KLF12: variants seen among roughly 807,000 people sequenced by gnomAD.
KLF12 encodes the protein Krueppel-like factor 12.
Under a neutral mutation model 37.8 loss-of-function variants are expected in KLF12, and 9 were observed. That is an observed-to-expected ratio of 0.24 (90% CI 0.14 to 0.42). The LOEUF is 0.42. Ranked by LOEUF, KLF12 falls within the 10% of genes least tolerant of loss-of-function variation. The pLI, the probability that KLF12 is intolerant of heterozygous loss-of-function variation, is 1.00. For missense variants in KLF12, 411 were observed against 516.0 expected (o/e 0.80, Z 1.97); for synonymous variants, 208 against 202.1 (o/e 1.03, Z -0.25).
intron 3 of KLF12, among the ~76,000 whole-genome samples, chr13:73,920,940 T>C (rs1229591092): frequency 1.3e-5 from 2 of 152,150 alleles, no homozygotes; most frequent in Non-Finnish European, 2.9e-5. Context: ...TTCCCTTATC[T>C]GAGGAAAAGC....
the KLF12 span, among the ~76,000 whole-genome samples, chr13:74,233,897 G>T: frequency 4.8e-4 from 73 of 152,152 alleles, 1 homozygote; most frequent in East Asian, 0.013. Flanking sequence ...ATTGGAATTT[G>T]AAATAAAAAA....
the KLF12 span, among the ~76,000 whole-genome samples, chr13:74,216,259 C>T: frequency 6.6e-6 from 1 of 152,104 alleles, no homozygotes; most frequent in Non-Finnish European, 1.5e-5. Context: ...TAAATACCCA[C>T]ACACACACAA....
chr13:74,253,965 G>A, the KLF12 span, among the ~76,000 whole-genome samples: 1 of 152,134 alleles, frequency 6.6e-6, no homozygotes, highest in Non-Finnish European at 1.5e-5. Context: ...TGACCAGGGA[G>A]TCTTTTAAAA....
chr13:73,742,598 AATCTC>A (rs1232010612), intron 6 of KLF12, among the ~76,000 whole-genome samples: 1 of 152,104 alleles, frequency 6.6e-6, no homozygotes, highest in Non-Finnish European at 1.5e-5. Flanking sequence ...GCCCCTCCCA[AATCTC>A]ATGTCCTTCT....
intron 1 of KLF12, among the ~76,000 whole-genome samples, chr13:74,011,391 T>C (rs1892547977): frequency 1.3e-5 from 2 of 152,192 alleles, no homozygotes; most frequent in Admixed American, 1.3e-4. Flanking sequence ...ATGTAGCTAG[T>C]GCAATTTAAG....
chr13:74,292,362 G>C, the KLF12 span, among the ~76,000 whole-genome samples: 3 of 152,158 alleles, frequency 2.0e-5, no homozygotes, highest in East Asian at 1.9e-4. Flanking sequence ...CCCAGGTATG[G>C]GGTGGGAAGA....
At chr13:73,891,402 T>G (rs757536616) in intron 3 of KLF12, among the ~76,000 whole-genome samples, 3 of 152,106 alleles carry the variant, frequency 2.0e-5, no homozygotes, top group African/African-American at 7.2e-5. Context: ...TCTCAACAAG[T>G]TGAATACATT....
At chr13:74,281,962 C>T in the KLF12 span, among the ~76,000 whole-genome samples, 10 of 152,198 alleles carry the variant, frequency 6.6e-5, no homozygotes, top group African/African-American at 2.4e-4. Flanking sequence ...ATAATATCCT[C>T]TTCCTCAGGA....
chr13:74,100,281 A>C (rs1293700000), intron 1 of KLF12, among the ~76,000 whole-genome samples: 1 of 152,218 alleles, frequency 6.6e-6, no homozygotes, highest in Non-Finnish European at 1.5e-5. Flanking sequence ...GAACTGCTAC[A>C]CTGGAATTGG....
chr13:74,109,587 A>C (rs896925442), intron 1 of KLF12, among the ~76,000 whole-genome samples: 14 of 152,210 alleles, frequency 9.2e-5, no homozygotes, highest in Admixed American at 5.2e-4. Context: ...TCAAATCATC[A>C]ATATTTCAAA....
chr13:73,695,397 T>G lies in KLF12; in HGVS notation c.*93A>C. 7 of 1,235,696 alleles carry G rather than the reference T, an allele frequency of 5.7e-6. No homozygotes were observed. The highest frequency in any genetic ancestry group is 2.8e-4 in the Middle Eastern group (1 of 3,570). The allele number at this position is 1,235,696 out of a possible 1,614,324, so 76.5% of individuals were successfully genotyped here. A position where few individuals can be genotyped will look rare whatever the true frequency, so the allele number is the denominator to read the frequency against. The stretch of plus-strand genomic sequence containing the variant: ...AGACATCGTGGGATGGTGATGCCCT[T>G]TTGTGTTAACACTGTGAAGGGGATT... On this transcript the variant is annotated 3_prime_UTR_variant, in exon 8 of 8. Coordinates refer to ENST00000377669, the MANE Select transcript of KLF12 (RefSeq NM_007249.5).
the KLF12 span, among the ~76,000 whole-genome samples, chr13:74,271,256 G>T: frequency 6.6e-6 from 1 of 152,178 alleles, no homozygotes; most frequent in Non-Finnish European, 1.5e-5. Context: ...TGCCAAAAAG[G>T]TTTGGGACTG....
chr13:74,255,934 T>C, the KLF12 span, among the ~76,000 whole-genome samples: 1 of 152,062 alleles, frequency 6.6e-6, no homozygotes, highest in East Asian at 1.9e-4. Context: ...GGTGGGTGGA[T>C]CACGAGGTCA....
chr13:74,143,982 T>C, the KLF12 span, among the ~76,000 whole-genome samples: 1 of 152,300 alleles, frequency 6.6e-6, no homozygotes, highest in Non-Finnish European at 1.5e-5. Context: ...CCATTGTGAG[T>C]TGAGAAGTAT....
At chr13:73,713,265 G>A (rs951425547) in intron 7 of KLF12, among the ~76,000 whole-genome samples, 41 of 152,254 alleles carry the variant, frequency 2.7e-4, no homozygotes, top group African/African-American at 9.4e-4. Flanking sequence ...AAACAGCACC[G>A]TAAGAGGCTA....
chr13:74,157,737 T>C, the KLF12 span, among the ~76,000 whole-genome samples: 1 of 152,318 alleles, frequency 6.6e-6, no homozygotes, highest in Non-Finnish European at 1.5e-5. Context: ...CAGCCTAAGA[T>C]TGGCCAATTT....
rs556860266 is a variant in KLF12, at chr13:73,742,554, T to C, written c.869+22384A>G. 1.8e-4 allele frequency among the ~76,000 whole-genome samples: 28 copies of C among 152,312 alleles called. 1 individual carries two copies. Among genetic ancestry groups the C allele is most frequent in the Non-Finnish European group, 3.5e-4 (24 of 68,014 alleles). ...CTTCCAACATCTAAGATGATGGCAT[T>C]ATCATTCCCATTTTACATTCCCCTT... On this transcript the variant is annotated intron_variant, in intron 6 of 7. Coordinates refer to ENST00000377669, the MANE Select transcript of KLF12 (RefSeq NM_007249.5).
intron 1 of KLF12, among the ~76,000 whole-genome samples, chr13:74,070,628 T>C (rs1056970057): frequency 2.6e-5 from 4 of 152,156 alleles, no homozygotes; most frequent in African/African-American, 7.2e-5. Flanking sequence ...GGCCCACTAA[T>C]TGGTCATGAA....
chr13:73,713,916 T>TA (rs949899281), intron 7 of KLF12, among the ~76,000 whole-genome samples: 3 of 152,170 alleles, frequency 2.0e-5, no homozygotes, highest in Non-Finnish European at 4.4e-5. Flanking sequence ...GTCATTTTTT[T>TA]AAAAACAGAA....
Sources: allele counts gnomAD v4.1 joint callset (sites outside exome capture counted in the v4.1 genomes callset), GRCh38; gene constraint gnomAD v4.1.1; transcripts MANE v1.5; gene names NCBI Gene and HGNC (gene_info 2026-07-23, HGNC 2026-07-21).